CRTC1: variants seen among roughly 807,000 people sequenced by gnomAD.
The protein encoded by CRTC1 is CREB-regulated transcription coactivator 1.
A neutral mutation model predicts 66.1 loss-of-function variants in CRTC1; 18 were observed. The ratio of observed to expected loss-of-function variants is 0.27; its 90% CI spans 0.19 to 0.40. The LOEUF (loss-of-function observed/expected upper bound fraction) is 0.40. Among genes scored for constraint, CRTC1 ranks in the 10% least tolerant of loss-of-function variants. The pLI is 1.00. For synonymous variants in CRTC1, 416 were observed against 398.8 expected (o/e 1.04, Z -0.51); for missense variants, 669 against 887.9 (o/e 0.75, Z 3.13).
chr19:18,695,896 A>G lies in CRTC1; in HGVS notation c.126+12068A>G, dbSNP rs141770151. Among the ~76,000 whole-genome samples the G allele has an allele frequency of 1.7e-3, 256 of 152,210 alleles. 1 individual carries two copies. Among genetic ancestry groups the G allele is most frequent in the African/African-American group, 5.6e-3 (233 of 41,530 alleles). ...AAACAAACAAACAAACAAAAACACT[A>G]CAGTACACAGGATGGCCCCCACCAC... On this transcript the variant is annotated intron_variant, in intron 1 of 13. Coordinates refer to ENST00000321949, the MANE Select transcript of CRTC1 (RefSeq NM_015321.3).
intron 11 of CRTC1, among the ~76,000 whole-genome samples, chr19:18,772,497 C>T (rs547649417): frequency 1.9e-4 from 29 of 152,308 alleles, no homozygotes; most frequent in African/African-American, 6.7e-4. Context: ...TGAAGCCATC[C>T]CTGTCCCCTG....
At chr19:18,744,513 T>TACACAC (rs1342436899) in intron 2 of CRTC1, among the ~76,000 whole-genome samples, 5 of 147,378 alleles carry the variant, frequency 3.4e-5, no homozygotes, top group Non-Finnish European at 7.5e-5. Context: ...CACACACACA[T>TACACAC]ACACACACGT....
chr19:18,715,517 G>A (rs979040438), intron 1 of CRTC1, among the ~76,000 whole-genome samples: 1 of 152,186 alleles, frequency 6.6e-6, no homozygotes, highest in African/African-American at 2.4e-5. Flanking sequence ...CATTCCAGGT[G>A]CCAGGGGTCA....
intron 1 of CRTC1, among the ~76,000 whole-genome samples, chr19:18,721,002 C>G (rs1600838637): frequency 6.6e-6 from 1 of 152,274 alleles, no homozygotes; most frequent in Non-Finnish European, 1.5e-5. Context: ...GTCGGCAGGG[C>G]TGGTGCCTGC....
At chr19:18,698,922 T>C (rs2053065658) in intron 1 of CRTC1, among the ~76,000 whole-genome samples, 1 of 151,728 alleles carries the variant, frequency 6.6e-6, no homozygotes, top group Non-Finnish European at 1.5e-5. Context: ...AGGTGCACAG[T>C]GTGTATTTAG....
chr19:18,757,282 C>T (rs755539717), intron 6 of CRTC1, among the ~76,000 whole-genome samples: 14 of 152,096 alleles, frequency 9.2e-5, no homozygotes, highest in Non-Finnish European at 1.8e-4. Context: ...CTCGGGGGCC[C>T]CTACCTGGAG....
rs558407568 is a variant in CRTC1 at position 18,729,402 on chromosome 19, G to C, written c.127-13508G>C. Among the ~76,000 whole-genome samples the C allele has an allele frequency of 1.7e-3, 248 of 150,052 alleles. 2 individuals carry two copies. The highest frequency in any genetic ancestry group is 5.6e-3 in the African/African-American group (229 of 40,880). Reference sequence around the variant, plus strand: ...GATCGCGCCACTGCACTCTAGCCTGGGCAACAGAGCGAGACTCCGTCTCAA... The same window carrying C: ...GATCGCGCCACTGCACTCTAGCCTGCGCAACAGAGCGAGACTCCGTCTCAA... On this transcript the variant is annotated intron_variant, in intron 1 of 13. Transcript: ENST00000321949.
chr19:18,689,301 A>G (rs910401364), intron 1 of CRTC1, among the ~76,000 whole-genome samples: 8 of 151,474 alleles, frequency 5.3e-5, no homozygotes, highest in Non-Finnish European at 8.8e-5. Flanking sequence ...TTTCATATCA[A>G]TAGAATCCTA....
chr19:18,751,159 A>G (rs1045971209), intron 5 of CRTC1, among the ~76,000 whole-genome samples: 2 of 152,196 alleles, frequency 1.3e-5, no homozygotes, highest in South Asian at 2.1e-4. Context: ...GGGTTGGCCT[A>G]TCTGGCTGTG....
intron 8 of CRTC1, among the ~76,000 whole-genome samples, chr19:18,762,295 C>T (rs902568705): frequency 3.3e-5 from 5 of 152,346 alleles, no homozygotes; most frequent in East Asian, 1.9e-4. Context: ...AAGCTGGAGC[C>T]GGCGCTGGCC....
At chr19:18,720,509 C>T (rs1000197855) in intron 1 of CRTC1, among the ~76,000 whole-genome samples, 1 of 150,420 alleles carries the variant, frequency 6.6e-6, no homozygotes, top group Non-Finnish European at 1.5e-5. Flanking sequence ...GCCACCACGC[C>T]CGGCTAATTT....
At chr19:18,702,431 G>A (rs2053165761) in intron 1 of CRTC1, among the ~76,000 whole-genome samples, 1 of 151,846 alleles carries the variant, frequency 6.6e-6, no homozygotes, top group Non-Finnish European at 1.5e-5. Context: ...TCCCTGTGTT[G>A]CCTACGCTGG....
intron 1 of CRTC1, among the ~76,000 whole-genome samples, chr19:18,712,254 C>T (rs1296370473): frequency 2.0e-5 from 3 of 150,540 alleles, no homozygotes; most frequent in African/African-American, 4.9e-5. Flanking sequence ...CCCAGTTAGA[C>T]GTTTGTTTGT....
chr19:18,712,766 C>T (rs1487493205), intron 1 of CRTC1, among the ~76,000 whole-genome samples: 19 of 152,108 alleles, frequency 1.2e-4, no homozygotes, highest in Admixed American at 1.1e-3. Context: ...TTGAGACCAG[C>T]CTGGCCAACA....
intron 1 of CRTC1, among the ~76,000 whole-genome samples, chr19:18,733,256 G>C (rs774847749): frequency 1.3e-5 from 2 of 152,158 alleles, no homozygotes; most frequent in African/African-American, 4.8e-5. Context: ...CCCCACACAG[G>C]GTGGGCGCTT....
rs1272435311 is a variant in CRTC1 at position 18,760,846 on chromosome 19, C to T, written c.886+618C>T. ...CCTCTGTCCTTTCCCAGACATGGAC[C>T]TGACCCATTGTCAGCGTGTCCTGTC... On this transcript the variant is annotated intron_variant, in intron 8 of 13. Coordinates refer to ENST00000321949, the MANE Select transcript of CRTC1 (RefSeq NM_015321.3). The surrounding 1 kb of genome is among the most constrained non-coding windows in gnomAD (Gnocchi z 6.2). 3.3e-5 allele frequency among the ~76,000 whole-genome samples: 5 copies of T among 152,118 alleles called. No homozygotes were observed. Among genetic ancestry groups the T allele is most frequent in the South Asian group, 2.1e-4 (1 of 4,810 alleles).
chr19:18,751,398 C>G (rs1212712548), intron 5 of CRTC1, among the ~76,000 whole-genome samples: 2 of 152,046 alleles, frequency 1.3e-5, no homozygotes, highest in Non-Finnish European at 2.9e-5. Flanking sequence ...TTTGCACGTG[C>G]CTGTGGTACC....
At position 18,781,134 on chromosome 19, in the gene CRTC1, G is replaced by A; in HGVS notation, c.*3752G>A. 1 of 227,480 alleles carries A rather than the reference G, an allele frequency of 4.4e-6. No individual in the cohort carries two copies. Among genetic ancestry groups the A allele is most frequent in the East Asian group, 6.3e-5 (1 of 15,952 alleles). The allele number at this position is 227,480 out of a possible 1,614,324, so 14.1% of individuals were successfully genotyped here. A position where few individuals can be genotyped will look rare whatever the true frequency, so the allele number is the denominator to read the frequency against. ...CCCTCTGTGTGGGGGTGGGACGCAG[G>A]GGCTCTCAGAGCAAGGGCCACAAAG... On this transcript the variant is annotated 3_prime_UTR_variant, in exon 14 of 14. Coordinates refer to ENST00000321949, the MANE Select transcript of CRTC1 (RefSeq NM_015321.3).
intron 1 of CRTC1, among the ~76,000 whole-genome samples, chr19:18,704,886 A>T (rs1364369447): frequency 1.3e-5 from 2 of 148,914 alleles, no homozygotes; most frequent in Admixed American, 1.3e-4. Context: ...CCCATTAAAC[A>T]CTCACCCACC....
Sources: allele counts gnomAD v4.1 joint callset (sites outside exome capture counted in the v4.1 genomes callset), GRCh38; gene constraint gnomAD v4.1.1; non-coding constraint Gnocchi (gnomAD v3.1); transcripts MANE v1.5; gene names NCBI Gene and HGNC (gene_info 2026-07-23, HGNC 2026-07-21).